The following GAP43 variants were observed in gnomAD, a reference collection of about 807,000 sequenced individuals.
The protein encoded by GAP43 is neuromodulin.
In GAP43, 6 loss-of-function variants were observed where a neutral mutation model predicts 18.6. The ratio of observed to expected loss-of-function variants is 0.32; its 90% CI spans 0.18 to 0.64. GAP43 has a LOEUF of 0.64. GAP43 is among the 30% of genes least tolerant of loss of function. The pLI, the probability that GAP43 is intolerant of heterozygous loss-of-function variation, is 0.78. For missense variants in GAP43, 292 were observed against 295.5 expected, an observed-to-expected ratio of 0.99 and a Z score of 0.09; for synonymous variants, 115 against 111.4, an observed-to-expected ratio of 1.03 and a Z score of -0.20.
intron 1 of GAP43, among the ~76,000 whole-genome samples, chr3:115,668,452 T>G (rs1254113571): frequency 6.6e-6 from 1 of 152,138 alleles, no homozygotes; most frequent in Admixed American, 6.5e-5. Flanking sequence ...GAGACGGAGT[T>G]TCGCTCTTGT....
chr3:115,709,537 A>G (rs1438627716), intron 2 of GAP43, among the ~76,000 whole-genome samples: 2 of 152,222 alleles, frequency 1.3e-5, no homozygotes, highest in African/African-American at 4.8e-5. Flanking sequence ...TTAAACACAT[A>G]CAATTAACAT....
At chr3:115,719,361 T>C (rs1263244624) in intron 2 of GAP43, among the ~76,000 whole-genome samples, 2 of 152,202 alleles carry the variant, frequency 1.3e-5, no homozygotes, top group Non-Finnish European at 2.9e-5. Context: ...TCTGGGATCT[T>C]GGATTTTGAG....
At chr3:115,629,297 T>C (rs1708232286) in intron 1 of GAP43, among the ~76,000 whole-genome samples, 1 of 152,166 alleles carries the variant, frequency 6.6e-6, no homozygotes, top group African/African-American at 2.4e-5. Flanking sequence ...CTTTACAAAA[T>C]GCAAATCGGG....
At chr3:115,697,280 A>G (rs1467032421) in intron 2 of GAP43, among the ~76,000 whole-genome samples, 2 of 152,176 alleles carry the variant, frequency 1.3e-5, no homozygotes, top group Non-Finnish European at 2.9e-5. Context: ...CAGCAACTGG[A>G]ACAAGCAGTA....
At chr3:115,641,780 T>G (rs1470740790) in intron 1 of GAP43, among the ~76,000 whole-genome samples, 1 of 152,126 alleles carries the variant, frequency 6.6e-6, no homozygotes, top group Non-Finnish European at 1.5e-5. Flanking sequence ...CTAGTTTGTT[T>G]TTCTTTTATC....
At chr3:115,654,834 T>C (rs1363571821) in intron 1 of GAP43, among the ~76,000 whole-genome samples, 1 of 152,166 alleles carries the variant, frequency 6.6e-6, no homozygotes, top group Non-Finnish European at 1.5e-5. Flanking sequence ...TTTCCAGAAA[T>C]GTACACAGTA....
chr3:115,669,842 C>G (rs1708789467), intron 1 of GAP43, among the ~76,000 whole-genome samples: 1 of 152,108 alleles, frequency 6.6e-6, no homozygotes, highest in Admixed American at 6.5e-5. Flanking sequence ...TTTTCTTATA[C>G]AGTTTCATTG....
chr3:115,636,585 C>T (rs1476025238), intron 1 of GAP43, among the ~76,000 whole-genome samples: 2 of 152,074 alleles, frequency 1.3e-5, no homozygotes, highest in African/African-American at 2.4e-5. Flanking sequence ...AGATGAGAAA[C>T]TCCAGGTGAA....
At chr3:115,674,976 AC>A (rs1708861726) in intron 1 of GAP43, among the ~76,000 whole-genome samples, 1 of 152,216 alleles carries the variant, frequency 6.6e-6, no homozygotes, top group Non-Finnish European at 1.5e-5. Flanking sequence ...TAAGTTTTAT[AC>A]AAAGTCCTTC....
chr3:115,705,625 C>A (rs1013074765), intron 2 of GAP43, among the ~76,000 whole-genome samples: 2 of 151,706 alleles, frequency 1.3e-5, no homozygotes, highest in African/African-American at 2.4e-5. Flanking sequence ...AATAGAAATA[C>A]CAAAACATAA....
rs966071456 is a variant in GAP43 at position 115,675,890 on chromosome 3, C to A, written c.31-123C>A. ...TGAACTTCCAGGGTACTGTTGAATT[C>A]TTAACTCCAAAAACAGTGCCTGGCA... On this transcript the variant is annotated intron_variant, in intron 1 of 2. Coordinates refer to ENST00000305124, the MANE Select transcript of GAP43 (RefSeq NM_002045.4). 1.0e-4 allele frequency: 135 copies of A among 1,341,036 alleles called. 1 individual carries two copies. Among genetic ancestry groups the A allele is most frequent in the Non-Finnish European group, 1.2e-4 (124 of 1,006,288 alleles). The allele number at this position is 1,341,036 out of a possible 1,614,324, so 83.1% of individuals were successfully genotyped here. A position where few individuals can be genotyped will look rare whatever the true frequency, so the allele number is the denominator to read the frequency against.
In GAP43 at chr3:115,721,120, T is replaced by C. The variant is rs1709572838; in HGVS notation, c.*238T>C. ...CTTAAACATTTTTTGTTTCTTGGTGTTGTTATGGCAAGTTTTTGGTAATGA... is the reference window on the plus strand; with the variant it reads ...CTTAAACATTTTTTGTTTCTTGGTGCTGTTATGGCAAGTTTTTGGTAATGA... On this transcript the variant is annotated 3_prime_UTR_variant, in exon 3 of 3. Coordinates refer to ENST00000305124, the MANE Select transcript of GAP43 (RefSeq NM_002045.4). The C allele has an allele frequency of 3.8e-6, 1 of 264,250 alleles. No individual in the cohort carries two copies. The highest frequency in any genetic ancestry group is 7.0e-5 in the East Asian group (1 of 14,192). The allele number at this position is 264,250 out of a possible 1,614,324, so 16.4% of individuals were successfully genotyped here.
At chr3:115,664,013 T>G (rs1054081354) in intron 1 of GAP43, 1 of 1,124,990 alleles carries the variant, frequency 8.9e-7, no homozygotes, top group Non-Finnish European at 1.3e-6. Context: ...ATTACTTAAT[T>G]ACTTAACTAA....
At chr3:115,670,287 G>T (rs940349257) in intron 1 of GAP43, among the ~76,000 whole-genome samples, 1 of 148,212 alleles carries the variant, frequency 6.7e-6, no homozygotes, top group South Asian at 2.2e-4. Context: ...GAGAATGATG[G>T]TTTCCAATTT....
chr3:115,681,969 C>G (rs1553723372), intron 2 of GAP43, among the ~76,000 whole-genome samples: 1 of 152,080 alleles, frequency 6.6e-6, no homozygotes, highest in Non-Finnish European at 1.5e-5. Context: ...CTGGAAGAAA[C>G]AAAGAGGAGA....
At chr3:115,683,163 A>G (rs1362006211) in intron 2 of GAP43, among the ~76,000 whole-genome samples, 175 of 150,590 alleles carry the variant, frequency 1.2e-3, no homozygotes, top group Non-Finnish European at 2.2e-3. Flanking sequence ...ACACACACAC[A>G]CACACACACA....
chr3:115,693,363 G>A (rs1031582312), intron 2 of GAP43, among the ~76,000 whole-genome samples: 1 of 152,278 alleles, frequency 6.6e-6, no homozygotes, highest in Non-Finnish European at 1.5e-5. Context: ...CAATTTGAGA[G>A]CTGGGCCCTG....
chr3:115,690,216 A>ACCCCCCCCCCCCCCC (rs150800461), intron 2 of GAP43, among the ~76,000 whole-genome samples: 2 of 137,378 alleles, frequency 1.5e-5, no homozygotes, highest in African/African-American at 5.3e-5. Context: ...CCTAGGAGAG[A>ACCCCCCCCCCCCCCC]CCCCCCCGCC....
chr3:115,702,885 G>T (rs1709313431), intron 2 of GAP43, among the ~76,000 whole-genome samples: 1 of 152,128 alleles, frequency 6.6e-6, no homozygotes, highest in African/African-American at 2.4e-5. Context: ...TAAAGAAGGG[G>T]ATCATCTCTG....
Sources: allele counts gnomAD v4.1 joint callset (sites outside exome capture counted in the v4.1 genomes callset), GRCh38; gene constraint gnomAD v4.1.1; transcripts MANE v1.5; gene names NCBI Gene and HGNC (gene_info 2026-07-23, HGNC 2026-07-21).